The following BCL9 variants were observed in gnomAD, a reference collection of about 807,000 sequenced individuals.
The protein encoded by BCL9 is BCL9 transcription coactivator, also known as B-cell CLL/lymphoma 9 protein.
In BCL9, 25 loss-of-function variants were observed where a neutral mutation model predicts 88.5. The ratio of observed to expected loss-of-function variants is 0.28; its 90% CI spans 0.21 to 0.39. The LOEUF is 0.39. Among genes scored for constraint, BCL9 ranks in the 10% least tolerant of loss-of-function variants. The probability of loss-of-function intolerance (pLI) is 1.00; values close to 1 mark genes in which losing one functional copy is unlikely to be tolerated. For missense variants in BCL9, 1,817 were observed against 1,877.8 expected, an observed-to-expected ratio of 0.97 and a Z score of 0.60; for synonymous variants, 711 against 673.3, an observed-to-expected ratio of 1.06 and a Z score of -0.87.
chr1:147,576,693 A>G (rs781846311), intron 1 of BCL9, among the ~76,000 whole-genome samples: 7 of 152,064 alleles, frequency 4.6e-5, no homozygotes, highest in Non-Finnish European at 8.8e-5. Context: ...CTGTGTGGCG[A>G]TTTATCTCAA....
At position 147,604,843 on chromosome 1, in the gene BCL9, A is replaced by C. The variant is rs1410407240; in HGVS notation, c.-411A>C. Reference sequence around the variant, plus strand: ...AAACATTCCCATCTGATTGGGTGGCAGAGATCATTTTTGGAAAGTTCTTCC... The same window carrying C: ...AAACATTCCCATCTGATTGGGTGGCCGAGATCATTTTTGGAAAGTTCTTCC... On this transcript the variant is annotated 5_prime_UTR_variant, in exon 2 of 10. Transcript: ENST00000234739. 3 of 152,196 alleles carry C rather than the reference A, an allele frequency of 2.0e-5. No individual in the cohort carries two copies. Among genetic ancestry groups the C allele is most frequent in the Non-Finnish European group, 4.4e-5 (3 of 68,038 alleles). The allele number at this position is 152,196 out of a possible 1,614,324, so 9.4% of individuals were successfully genotyped here. A position where few individuals can be genotyped will look rare whatever the true frequency, so the allele number is the denominator to read the frequency against.
chr1:147,624,663 C>A lies in BCL9; in HGVS notation c.3985C>A (p.Pro1329Thr). ...CTTTCTCCAACAAGGCATGATGGGACCTCACCATCGGATGATGTCACCAGC... is the reference window on the plus strand; with the variant it reads ...CTTTCTCCAACAAGGCATGATGGGAACTCACCATCGGATGATGTCACCAGC... ...PAFLQQGMMGPHHRMMSPAQS... is the reference protein window; with the variant it reads ...PAFLQQGMMGTHHRMMSPAQS... The change falls in exon 10 of 10, where the codon CCT (proline) becomes ACT (threonine). Residue 1329 changes from proline (P) to threonine (T), a missense_variant. This residue lies in a region of BCL9 where 589 missense variants were observed against 686.2 expected (regional missense o/e 0.86). Transcript: ENST00000234739. This position sits in a 1 kb window ranked among gnomAD's most constrained non-coding sequence, Gnocchi z 4.4. 16 of 1,614,230 alleles carry A rather than the reference C, an allele frequency of 9.9e-6. No homozygotes were observed. The highest frequency in any genetic ancestry group is 1.4e-5 in the Non-Finnish European group (16 of 1,180,050).
At chr1:147,584,356 T>G (rs587650840) in intron 1 of BCL9, among the ~76,000 whole-genome samples, 1 of 151,216 alleles carries the variant, frequency 6.6e-6, no homozygotes, top group East Asian at 2.0e-4. Context: ...CGGATTCATT[T>G]TTATATTTGC....
chr1:147,583,014 G>A (rs1553198803), intron 1 of BCL9, among the ~76,000 whole-genome samples: 1 of 152,148 alleles, frequency 6.6e-6, no homozygotes, highest in East Asian at 1.9e-4. Flanking sequence ...AGGCCCTCAT[G>A]AAAAATACAA....
intron 2 of BCL9, among the ~76,000 whole-genome samples, chr1:147,606,306 C>A (rs1657707138): frequency 6.6e-6 from 1 of 152,132 alleles, no homozygotes; most frequent in African/African-American, 2.4e-5. Flanking sequence ...AATAAATGTT[C>A]TTGCTGGATG....
intron 1 of BCL9, among the ~76,000 whole-genome samples, chr1:147,581,307 G>A (rs1404008657): frequency 6.6e-6 from 1 of 152,198 alleles, no homozygotes; most frequent in Non-Finnish European, 1.5e-5. Context: ...CGCTAATTGT[G>A]TGTAGGTCAG....
intron 1 of BCL9, among the ~76,000 whole-genome samples, chr1:147,601,060 A>G (rs1657364800): frequency 1.3e-5 from 2 of 152,168 alleles, no homozygotes; most frequent in Non-Finnish European, 2.9e-5. Flanking sequence ...GGGAGGGGCC[A>G]GAGGCCTGTA....
intron 2 of BCL9, among the ~76,000 whole-genome samples, chr1:147,605,791 G>T (rs782629918): frequency 6.6e-6 from 1 of 152,174 alleles, no homozygotes. Context: ...AGGCTTTTTA[G>T]TTCCACATTC....
intron 1 of BCL9, among the ~76,000 whole-genome samples, chr1:147,578,615 G>GAGA (rs782689650): frequency 6.6e-6 from 1 of 152,188 alleles, no homozygotes; most frequent in Admixed American, 6.5e-5. Flanking sequence ...GAAAATGGTT[G>GAGA]TTGAATTAAA....
chr1:147,598,969 T>C (rs1263355573), intron 1 of BCL9, among the ~76,000 whole-genome samples: 1 of 152,092 alleles, frequency 6.6e-6, no homozygotes, highest in African/African-American at 2.4e-5. Context: ...TGAGAAAAAG[T>C]GTAATCTAAT....
intron 1 of BCL9, among the ~76,000 whole-genome samples, chr1:147,568,112 A>G (rs973770978): frequency 8.5e-5 from 13 of 152,170 alleles, no homozygotes; most frequent in Non-Finnish European, 7.3e-5. Context: ...CTCTGTAATC[A>G]ATGCCTCTTC....
At chr1:147,545,712 T>A (rs1553194196) in intron 1 of BCL9, among the ~76,000 whole-genome samples, 1 of 152,220 alleles carries the variant, frequency 6.6e-6, no homozygotes, top group African/African-American at 2.4e-5. Context: ...AAGGGGATTT[T>A]GTAGTTTTTC....
intron 1 of BCL9, among the ~76,000 whole-genome samples, chr1:147,545,476 T>A (rs1654523650): frequency 6.6e-6 from 1 of 152,156 alleles, no homozygotes; most frequent in Admixed American, 6.5e-5. Context: ...AGAGGAAAGA[T>A]TTAACAGAAC....
chr1:147,563,155 CA>C (rs1190026612), intron 1 of BCL9, among the ~76,000 whole-genome samples: 3 of 152,210 alleles, frequency 2.0e-5, no homozygotes, highest in East Asian at 3.8e-4. Flanking sequence ...CCTAACCAAT[CA>C]ATTCTCTTAC....
chr1:147,599,213 G>T (rs1406759208), intron 1 of BCL9, among the ~76,000 whole-genome samples: 1 of 152,250 alleles, frequency 6.6e-6, no homozygotes, highest in Non-Finnish European at 1.5e-5. Context: ...TTCGCAGAGG[G>T]CGGAGGAGAG....
Position 147,621,068 on chromosome 1 carries a change from T to G in BCL9, c.2902+11T>G, listed in dbSNP as rs902475202. The G allele has an allele frequency of 8.1e-6, 13 of 1,605,038 alleles. No individual in the cohort carries two copies. The highest frequency in any genetic ancestry group is 9.4e-6 in the Non-Finnish European group (11 of 1,175,824). ...GAAATGTAGAGTCAGGTCAGTATGC[T>G]TGCATCCTCACAGTTGCACCTAGTA... On this transcript the variant is annotated intron_variant, in intron 8 of 9. Coordinates refer to ENST00000234739, the MANE Select transcript of BCL9 (RefSeq NM_004326.4).
In BCL9 at chr1:147,618,860, A is replaced by G; in HGVS notation, c.705A>G (p.Pro235=). ...TTCGGAATGATCCGAAACCTCTCCC[A>G]CAACAGCCCCCAGCTCCGGCCAACC... ...SALRNDPKPL[P]QQPPAPANQD... The change falls in exon 8 of 10, where the codon CCA becomes CCG. Residue 235 remains proline, a synonymous_variant. Coordinates refer to ENST00000234739, the MANE Select transcript of BCL9 (RefSeq NM_004326.4). The G allele has an allele frequency of 6.3e-7, 1 of 1,593,460 alleles. No homozygotes were observed. The highest frequency in any genetic ancestry group is 8.5e-7 in the Non-Finnish European group (1 of 1,171,076).
chr1:147,572,171 G>T (rs1655916346), intron 1 of BCL9, among the ~76,000 whole-genome samples: 1 of 152,220 alleles, frequency 6.6e-6, no homozygotes, highest in Non-Finnish European at 1.5e-5. Flanking sequence ...GAACCCAGGA[G>T]GCGGAGTTTG....
intron 1 of BCL9, among the ~76,000 whole-genome samples, chr1:147,550,958 T>C (rs1654873970): frequency 6.6e-6 from 1 of 152,246 alleles, no homozygotes; most frequent in African/African-American, 2.4e-5. Context: ...GCAATTATTC[T>C]AGAACATAAG....
Sources: gnomAD v4.1 joint callset for allele counts (sites outside exome capture counted in the v4.1 genomes callset) on GRCh38, gnomAD v4.1.1 for gene constraint, gnomAD v4.1.1 regional missense constraint, Gnocchi (gnomAD v3.1) non-coding constraint, MANE v1.5 for transcripts, NCBI Gene and HGNC (gene_info 2026-07-23, HGNC 2026-07-21) for gene names.